Variants in EXOC3L2 observed in about 807,000 individuals in gnomAD.
EXOC3L2 encodes the protein exocyst complex component 3-like protein 2.
A neutral mutation model predicts 44.4 loss-of-function variants in EXOC3L2; 17 were observed. That is an observed-to-expected ratio of 0.38 (90% CI 0.26 to 0.57). EXOC3L2 has a LOEUF of 0.57. EXOC3L2 is among the 20% of genes least tolerant of loss of function. The pLI, the probability that EXOC3L2 is intolerant of heterozygous loss-of-function variation, is 0.65. For missense variants in EXOC3L2, 541 were observed against 588.4 expected (o/e 0.92, Z 0.83); for synonymous variants, 256 against 253.7 (o/e 1.01, Z -0.09).
At chr19:45,218,158 T>TGCCCCCCCCCC in intron 9 of EXOC3L2, 39 bp downstream of exon 9, 4 of 1,034,906 alleles carry the variant, frequency 3.9e-6, no homozygotes, top group Non-Finnish European at 5.4e-6. Flanking sequence ...TCCCCTCTTT[T>TGCCCCCCCCCC]CCCCCACCCC....
At position 45,216,094 on chromosome 19, in the gene EXOC3L2, A is replaced by G; in HGVS notation, c.2099T>C (p.Val700Ala). ...TCACCTGATGTCTGGGTAGTCGCGC[A>G]CCAACACTCCCACCTCCACCTGGAT... The part of the protein sequence containing the change: ...PSIQVEVGVL[V>A]RDYPDIRQKH... The change falls in exon 11 of 12, where the codon GTG (valine) becomes GCG (alanine). Residue 700 changes from valine (V) to alanine (A), a missense_variant. Physicochemically the swap from Val to Ala is moderately conservative, Grantham distance 64. Transcript: ENST00000413988. The G allele has an allele frequency of 6.2e-7, 1 of 1,613,848 alleles. No individual in the cohort carries two copies. The highest frequency in any genetic ancestry group is 1.6e-4 in the Middle Eastern group (1 of 6,062).
intron 11 of EXOC3L2, among the ~76,000 whole-genome samples, chr19:45,213,900 G>A (rs913289468): frequency 1.3e-5 from 2 of 151,998 alleles, no homozygotes; most frequent in African/African-American, 4.8e-5. Flanking sequence ...GTTGCAGTGA[G>A]CTGAGATCGC....
At chr19:45,245,113 G>A (rs1021786208) in intron 1 of EXOC3L2, among the ~76,000 whole-genome samples, 1 of 151,762 alleles carries the variant, frequency 6.6e-6, no homozygotes, top group South Asian at 2.1e-4. Flanking sequence ...TGTGGACCCC[G>A]CGAGTCCTCA....
intron 1 of EXOC3L2, among the ~76,000 whole-genome samples, chr19:45,244,288 C>G (rs886914680): frequency 6.6e-6 from 1 of 151,980 alleles, no homozygotes. Context: ...CATCATCCCC[C>G]CTCCACCCCA....
At chr19:45,231,666 G>T in intron 4 of EXOC3L2, 97 bp downstream of exon 4, 1 of 1,060,186 alleles carries the variant, frequency 9.4e-7, no homozygotes, top group East Asian at 2.5e-5. Context: ...AAGGGAGTTG[G>T]AAAGAGTGAA....
chr19:45,227,900 CCTCT>C lies in EXOC3L2; in HGVS notation c.1472+70_1472+73del, dbSNP rs1031457265. The stretch of plus-strand genomic sequence containing the variant: ...CCTCAGGTGACTCCCTCTCATCTCT[CCTCT>C]CTCTATTGGATCCCAGGCCCTGATG... On this transcript the variant is annotated intron_variant, in intron 6 of 11. Coordinates refer to ENST00000413988, the MANE Select transcript of EXOC3L2 (RefSeq NM_001382422.1). 5.1e-5 allele frequency: 78 copies of C among 1,534,396 alleles called. No individual in the cohort carries two copies. The African/African-American group carries it at 9.0e-4, about 18-fold the overall frequency.
At chr19:45,225,115 C>G (rs1969943351) in intron 7 of EXOC3L2, among the ~76,000 whole-genome samples, 1 of 127,396 alleles carries the variant, frequency 7.8e-6, no homozygotes, top group Non-Finnish European at 1.6e-5. Flanking sequence ...CTGGGGACGT[C>G]AGGGGACTCA....
intron 7 of EXOC3L2, among the ~76,000 whole-genome samples, chr19:45,226,191 T>G (rs762362889): frequency 4.6e-5 from 7 of 152,152 alleles, no homozygotes; most frequent in Non-Finnish European, 7.3e-5. Flanking sequence ...CTCTGAAGGG[T>G]GCATTCCTAG....
intron 3 of EXOC3L2, among the ~76,000 whole-genome samples, chr19:45,232,087 C>T (rs1036319032): frequency 2.0e-5 from 3 of 152,126 alleles, no homozygotes; most frequent in South Asian, 2.1e-4. Context: ...GATGGTGTCC[C>T]GGCATGATAT....
rs539841315 is a variant in EXOC3L2, at chr19:45,227,860, T to A, written c.1473-88A>T. 6,944 of 1,519,860 alleles carry A rather than the reference T, an allele frequency of 4.6e-3. 18 individuals carry two copies. Among genetic ancestry groups the A allele is most frequent in the Middle Eastern group, 6.5e-3 (31 of 4,800 alleles). The allele number at this position is 1,519,860 out of a possible 1,614,324, so 94.1% of individuals were successfully genotyped here. A position where few individuals can be genotyped will look rare whatever the true frequency, so the allele number is the denominator to read the frequency against. ...CCTGCCAAAGCCACCATCCCTGCGG[T>A]GGCACTCTACCTGTCCTCAGGTGAC... On this transcript the variant is annotated intron_variant, in intron 6 of 11. Coordinates refer to ENST00000413988, the MANE Select transcript of EXOC3L2 (RefSeq NM_001382422.1).
Position 45,224,900 on chromosome 19 carries a change from G to A in EXOC3L2, c.1597C>T (p.Arg533Cys), listed in dbSNP as rs202169742. The A allele has an allele frequency of 1.9e-6, 3 of 1,554,312 alleles. No homozygotes were observed. Among genetic ancestry groups the A allele is most frequent in the African/African-American group, 1.4e-5 (1 of 72,974 alleles). The change falls in exon 8 of 12, where the codon CGC becomes TGC. Residue 533 changes from arginine (R) to cysteine (C), a missense_variant. Transcript: ENST00000413988. ...CGPPLRALAE[R>C]LARVGPPESE... ...TCTGGGGGCCCCACCCGGGCCAGGCGCTCGGCCAGAGCTCTGTGGGGATCA... is the reference window on the plus strand; with the variant it reads ...TCTGGGGGCCCCACCCGGGCCAGGCACTCGGCCAGAGCTCTGTGGGGATCA...
rs1365557209 is a variant in EXOC3L2, at chr19:45,228,176, C to G, written c.1360G>C (p.Asp454His). Residue 454 changes from aspartate (D) to histidine (H), a missense_variant, in exon 5 of 12, where the codon GAT (aspartate) becomes CAT (histidine). By Grantham distance (81) the Asp-to-His change is moderately conservative. Transcript: ENST00000413988. ...CCTCCACCTCCTACCTCACACACATCCTGGGCCAGGCTGCTGGGCTGGTCC... is the reference window on the plus strand; with the variant it reads ...CCTCCACCTCCTACCTCACACACATGCTGGGCCAGGCTGCTGGGCTGGTCC... ...LEDQPSSLAQ[D>H]VCELLEEHTE... The G allele has an allele frequency of 5.0e-6, 8 of 1,614,120 alleles. 1 individual carries two copies. The Middle Eastern group carries it at 8.2e-4, about 166-fold the overall frequency.
chr19:45,241,585 C>T (rs1417366166), intron 1 of EXOC3L2, among the ~76,000 whole-genome samples: 1 of 152,128 alleles, frequency 6.6e-6, no homozygotes, highest in African/African-American at 2.4e-5. Flanking sequence ...AGGCCTCTCA[C>T]CACAGCCTTC....
intron 11 of EXOC3L2, 31 bp downstream of exon 11, chr19:45,216,042 G>C (rs200217798): frequency 3.7e-6 from 6 of 1,610,712 alleles, no homozygotes; most frequent in Admixed American, 1.7e-5. Flanking sequence ...GGCCAGGCAC[G>C]GCGAGCCCTG....
At chr19:45,223,322 G>A (rs757463224) in intron 8 of EXOC3L2, among the ~76,000 whole-genome samples, 61 of 152,046 alleles carry the variant, frequency 4.0e-4, no homozygotes, top group South Asian at 1.3e-3. Flanking sequence ...GAGTCGGGAG[G>A]GGGGTTTGGT....
At chr19:45,244,466 G>A (rs1222084536) in intron 1 of EXOC3L2, among the ~76,000 whole-genome samples, 5 of 151,974 alleles carry the variant, frequency 3.3e-5, no homozygotes, top group African/African-American at 1.2e-4. Context: ...AACTGTCTCC[G>A]ACGTCTTTCC....
chr19:45,221,811 C>G (rs944368664), intron 8 of EXOC3L2, among the ~76,000 whole-genome samples: 2 of 151,758 alleles, frequency 1.3e-5, no homozygotes, highest in African/African-American at 2.4e-5. Context: ...CCACACCCAG[C>G]TTATTGTTTT....
rs753760745 is a variant in EXOC3L2, at chr19:45,213,250, G to T, written c.2228C>A (p.Ala743Asp). The T allele has an allele frequency of 1.9e-6, 3 of 1,613,310 alleles. No homozygotes were observed. Among genetic ancestry groups the T allele is most frequent in the East Asian group, 4.5e-5 (2 of 44,788 alleles). Residue 743 changes from alanine (A) to aspartate (D), a missense_variant, in exon 12 of 12, where the codon GCC becomes GAC. Transcript: ENST00000413988. ...ARDLELSEEGALSPPRDRAFF... is the reference protein window; with the variant it reads ...ARDLELSEEGDLSPPRDRAFF... ...GGCACGGTCCCGAGGGGGTGACAGG[G>T]CTCCCTCCTCAGAGAGTTCCAGGTC...
Position 45,213,053 on chromosome 19 carries a change from G to T in EXOC3L2, c.*16C>A. 6.8e-7 allele frequency: 1 copy of T among 1,468,880 alleles called. No homozygotes were observed. Among genetic ancestry groups the T allele is most frequent in the Non-Finnish European group, 9.0e-7 (1 of 1,115,306 alleles). The allele number at this position is 1,468,880 out of a possible 1,614,324, so 91.0% of individuals were successfully genotyped here. A position where few individuals can be genotyped will look rare whatever the true frequency, so the allele number is the denominator to read the frequency against. ...CAGCATAGATGGGGTCACTAAGGCCGGCGGTTGGGTGACCCTCAGCGCTGG... is the reference window on the plus strand; with the variant it reads ...CAGCATAGATGGGGTCACTAAGGCCTGCGGTTGGGTGACCCTCAGCGCTGG... On this transcript the variant is annotated 3_prime_UTR_variant, in exon 12 of 12. Transcript: ENST00000413988.
Sources: allele counts gnomAD v4.1 joint callset (sites outside exome capture counted in the v4.1 genomes callset), GRCh38; gene constraint gnomAD v4.1.1; transcripts MANE v1.5; gene names NCBI Gene and HGNC (gene_info 2026-07-23, HGNC 2026-07-21).